The following CDC42SE1 variants were observed in gnomAD, a reference collection of about 807,000 sequenced individuals.
CDC42SE1 encodes the protein CDC42 small effector protein 1.
A neutral mutation model predicts 10.9 loss-of-function variants in CDC42SE1; 10 were observed. That is an observed-to-expected ratio of 0.92 (90% CI 0.57 to 1.56). CDC42SE1 has a LOEUF of 1.56. Among genes scored for constraint, CDC42SE1 ranks in the 40% most tolerant of loss-of-function variants. The pLI is 0.00. For synonymous variants in CDC42SE1, 24 were observed against 32.0 expected, an observed-to-expected ratio of 0.75 and a Z score of 0.85; for missense variants, 81 against 100.8, an observed-to-expected ratio of 0.80 and a Z score of 0.84.
At position 151,052,202 on chromosome 1, in the gene CDC42SE1, T is replaced by C. The variant is rs1444769134; in HGVS notation, c.*1142A>G. The C allele has an allele frequency of 6.6e-6, 1 of 152,112 alleles. No individual in the cohort carries two copies. The highest frequency in any genetic ancestry group is 6.6e-5 in the Admixed American group (1 of 15,256). 9.4% of individuals were successfully genotyped at this position (152,112 alleles called of 1,614,324 possible). A position where few individuals can be genotyped will look rare whatever the true frequency, so the allele number is the denominator to read the frequency against. On this transcript the variant is annotated 3_prime_UTR_variant, in exon 5 of 5. Coordinates refer to ENST00000357235, the MANE Select transcript of CDC42SE1 (RefSeq NM_020239.4). ...ACATTTTTGGTTGTCATAACTAGAG[T>C]GGGCCAGGGTTGCTGCTAAATATCC... is the stretch of plus-strand genomic sequence containing the variant.
chr1:151,055,245 G>A (rs1425805039), intron 2 of CDC42SE1, 119 bp from the exon 3 acceptor site: 4 of 728,490 alleles, frequency 5.5e-6, no homozygotes, highest in African/African-American at 3.5e-5. Flanking sequence ...GAGGGGATGT[G>A]GCATTTTAAC....
At chr1:151,056,767 G>C (rs1186660316) in intron 1 of CDC42SE1, 2 of 152,388 alleles carry the variant, frequency 1.3e-5, no homozygotes, top group South Asian at 4.1e-4. Flanking sequence ...ATATCTCCAC[G>C]TGTGTCCAGT....
chr1:151,054,723 T>C (rs866291916), intron 3 of CDC42SE1, among the ~76,000 whole-genome samples: 29 of 152,168 alleles, frequency 1.9e-4, no homozygotes, highest in Non-Finnish European at 3.7e-4. Context: ...TAGCAGTTCT[T>C]AATTAGGAGA....
intron 2 of CDC42SE1, 83 bp downstream of exon 2, chr1:151,055,594 G>A: frequency 1.7e-6 from 2 of 1,144,836 alleles, no homozygotes; most frequent in Non-Finnish European, 2.6e-6. Context: ...TTTTTAGATG[G>A]CAGATCCTAG....
At chr1:151,055,289 GAAC>G (rs142658599) in intron 2 of CDC42SE1, 163 bp from the exon 3 acceptor site, 21,466 of 617,144 alleles carry the variant, frequency 0.035, 555 homozygotes, top group Middle Eastern at 0.052. Flanking sequence ...GGCAAAGCTG[GAAC>G]AACAAAAGCA....
In CDC42SE1 at chr1:151,057,384, G is replaced by A. The variant is rs1466230369; in HGVS notation, c.-263-1391C>T. 2.6e-5 allele frequency among the ~76,000 whole-genome samples: 4 copies of A among 152,212 alleles called. No homozygotes were observed. The highest frequency in any genetic ancestry group is 7.2e-5 in the African/African-American group (3 of 41,448). On this transcript the variant is annotated intron_variant, in intron 1 of 4. Transcript: ENST00000357235. The surrounding 1 kb of genome is among the most constrained non-coding windows in gnomAD (Gnocchi z 4.0). ...TAAAAATACAAAAGATTAGCTGGGC[G>A]TGGTGGCGGATGCCTGTAATCCCAG...
intron 2 of CDC42SE1, chr1:151,055,341 T>G: frequency 1.7e-6 from 1 of 594,224 alleles, no homozygotes; most frequent in Non-Finnish European, 3.0e-6. Context: ...GGCAGTGGCC[T>G]GCAGAGTGAA....
rs758542502 is a variant in CDC42SE1 at position 151,054,331 on chromosome 1, A to T, written c.166-10T>A. On this transcript the variant is annotated splice_polypyrimidine_tract_variant and intron_variant, in intron 3 of 4. Transcript: ENST00000357235. ...CCTGAACTGCACCTGTCTGTAAAAA[A>T]ACAGATGCGAGACACCTTCGTAAGT... The T allele has an allele frequency of 1.6e-5, 25 of 1,608,960 alleles. No homozygotes were observed. Among genetic ancestry groups the T allele is most frequent in the Non-Finnish European group, 9.4e-6 (11 of 1,175,646 alleles).
chr1:151,055,541 G>C lies in CDC42SE1; in HGVS notation c.54+136C>G, dbSNP rs1404982779. The C allele has an allele frequency of 8.1e-6, 6 of 739,400 alleles. No homozygotes were observed. The Admixed American group carries it at 1.2e-4, about 15-fold the overall frequency. The allele number at this position is 739,400 out of a possible 1,614,324, so 45.8% of individuals were successfully genotyped here. ...CTTTGTTCCACATATACAGCTGCCTGACCATAGAAGCTCCTGACACAGAGG... is the reference window on the plus strand; with the variant it reads ...CTTTGTTCCACATATACAGCTGCCTCACCATAGAAGCTCCTGACACAGAGG... On this transcript the variant is annotated intron_variant, in intron 2 of 4. Transcript: ENST00000357235.
At chr1:151,053,640 CCTGG>C (rs945415182) in intron 4 of CDC42SE1, among the ~76,000 whole-genome samples, 1 of 152,142 alleles carries the variant, frequency 6.6e-6, no homozygotes, top group African/African-American at 2.4e-5. Flanking sequence ...TGCCATCATG[CCTGG>C]CTAATTTTTG....
At position 151,051,213 on chromosome 1, in the gene CDC42SE1, C is replaced by T. The variant is rs1335211256; in HGVS notation, c.*2131G>A. 1.3e-5 allele frequency: 2 copies of T among 151,540 alleles called. No individual in the cohort carries two copies. Among genetic ancestry groups the T allele is most frequent in the Admixed American group, 1.3e-4 (2 of 15,202 alleles). The allele number at this position is 151,540 out of a possible 1,614,324, so 9.4% of individuals were successfully genotyped here. ...CCAGAGATTTCTAGGAGTCTCTAAC[C>T]TTTCCACCCTATCCTGTTAACCCTT... On this transcript the variant is annotated 3_prime_UTR_variant, in exon 5 of 5. Transcript: ENST00000357235.
In CDC42SE1 at chr1:151,051,392, T is replaced by TGAA. The variant is rs1676176239; in HGVS notation, c.*1949_*1951dup. On this transcript the variant is annotated 3_prime_UTR_variant, in exon 5 of 5. Transcript: ENST00000357235. The stretch of plus-strand genomic sequence containing the variant: ...AAATGGCAGAAAATACATGGAAATT[T>TGAA]GAAAAAAAAAAAAAAAAAAAAAAAA... 2.7e-4 allele frequency: 1 copy of TGAA among 3,688 alleles called. No individual in the cohort carries two copies. Among genetic ancestry groups the TGAA allele is most frequent in the Non-Finnish European group, 1.0e-3 (1 of 986 alleles). The allele number at this position is 3,688 out of a possible 1,614,324, so 0.2% of individuals were successfully genotyped here. A position where few individuals can be genotyped will look rare whatever the true frequency, so the allele number is the denominator to read the frequency against.
intron 4 of CDC42SE1, among the ~76,000 whole-genome samples, chr1:151,053,971 A>G (rs1368071469): frequency 6.6e-6 from 1 of 152,046 alleles, no homozygotes; most frequent in Non-Finnish European, 1.5e-5. Flanking sequence ...ATGGGACTAC[A>G]GGAGCACGCC....
chr1:151,059,308 A>C (rs1571854358), intron 1 of CDC42SE1, 171 bp downstream of exon 1: 1 of 149,626 alleles, frequency 6.7e-6, no homozygotes. Context: ...CAGCCTGCGC[A>C]CCCCAGGAGC....
intron 4 of CDC42SE1, among the ~76,000 whole-genome samples, chr1:151,053,714 T>G (rs1410214123): frequency 6.6e-6 from 1 of 152,132 alleles, no homozygotes; most frequent in African/African-American, 2.4e-5. Flanking sequence ...ACTCCTGACC[T>G]CAAGTCATCT....
rs770624540 is a variant in CDC42SE1 at position 151,054,256 on chromosome 1, C to T, written c.231G>A (p.Arg77=). 3 of 1,612,022 alleles carry T rather than the reference C, an allele frequency of 1.9e-6. No individual in the cohort carries two copies. Among genetic ancestry groups the T allele is most frequent in the South Asian group, 2.2e-5 (2 of 91,040 alleles). The change falls in exon 4 of 5, where the codon AGG becomes AGA. Residue 77 remains arginine, a synonymous_variant. Coordinates refer to ENST00000357235, the MANE Select transcript of CDC42SE1 (RefSeq NM_020239.4). ...CATTCCATTATTGGAGCTATAAGCC[C>T]CTAGAATTGCTCCATGGCCTATCTC... ...GNRDRPWSNS[R]GL
chr1:151,054,873 T>C (rs1676250368), intron 3 of CDC42SE1, 143 bp downstream of exon 3: 1 of 628,412 alleles, frequency 1.6e-6, no homozygotes, highest in Non-Finnish European at 2.8e-6. Context: ...GTCTCGGGTT[T>C]CCACAACTGG....
intron 1 of CDC42SE1, 22 bp from the exon 2 acceptor site, chr1:151,056,015 A>C (rs1676271135): frequency 2.1e-6 from 1 of 480,460 alleles, no homozygotes; most frequent in South Asian, 2.4e-5. Context: ...GAAAGTAAAA[A>C]GAAAGATCAG....
intron 1 of CDC42SE1, among the ~76,000 whole-genome samples, chr1:151,056,993 C>T (rs1256061491): frequency 6.6e-6 from 1 of 152,198 alleles, no homozygotes; most frequent in African/African-American, 2.4e-5. Flanking sequence ...AAGGAACTTT[C>T]CAATAGTACT....
Sources: gnomAD v4.1 joint callset for allele counts (sites outside exome capture counted in the v4.1 genomes callset) on GRCh38, gnomAD v4.1.1 for gene constraint, Gnocchi (gnomAD v3.1) non-coding constraint, MANE v1.5 for transcripts, NCBI Gene and HGNC (gene_info 2026-07-23, HGNC 2026-07-21) for gene names.